NDST4: variants seen among roughly 807,000 people sequenced by gnomAD.
NDST4 encodes the protein N-heparan sulfate sulfotransferase 4.
A neutral mutation model predicts 100.8 loss-of-function variants in NDST4; 63 were observed. That is an observed-to-expected ratio of 0.62 (90% CI 0.51 to 0.77). NDST4 has a LOEUF of 0.77. NDST4 is among the 30% of genes least tolerant of loss of function. The pLI, the probability that NDST4 is intolerant of heterozygous loss-of-function variation, is 0.00. For missense variants in NDST4, 943 were observed against 1,018.4 expected (o/e 0.93, Z 1.01); for synonymous variants, 377 against 361.8 (o/e 1.04, Z -0.48).
At chr4:114,957,179 G>C (rs1337037131) in intron 4 of NDST4, among the ~76,000 whole-genome samples, 1 of 152,158 alleles carries the variant, frequency 6.6e-6, no homozygotes, top group Non-Finnish European at 1.5e-5. Flanking sequence ...TCTTGTATTT[G>C]TCCATTTTTA....
chr4:114,879,234 G>A (rs1465150005), intron 6 of NDST4, among the ~76,000 whole-genome samples: 1 of 151,974 alleles, frequency 6.6e-6, no homozygotes, highest in Non-Finnish European at 1.5e-5. Flanking sequence ...ATTCGCTATA[G>A]TCCCCAGGCT....
intron 6 of NDST4, among the ~76,000 whole-genome samples, chr4:114,916,878 A>C (rs1021602709): frequency 6.6e-6 from 1 of 150,616 alleles, no homozygotes; most frequent in Non-Finnish European, 1.5e-5. Flanking sequence ...GACCATGAGA[A>C]CCGTACCCTT....
intron 1 of NDST4, among the ~76,000 whole-genome samples, chr4:115,086,907 A>G (rs755124353): frequency 5.3e-5 from 8 of 152,066 alleles, no homozygotes; most frequent in Non-Finnish European, 8.8e-5. Context: ...GCTTTGCCAT[A>G]TAAGATTTAG....
chr4:115,007,587 A>G (rs1273143240), intron 2 of NDST4, among the ~76,000 whole-genome samples: 1 of 67,236 alleles, frequency 1.5e-5, no homozygotes, highest in Non-Finnish European at 3.1e-5. Context: ...TCCAACAGAA[A>G]GCTGGAATGA....
intron 2 of NDST4, among the ~76,000 whole-genome samples, chr4:115,039,445 A>AT (rs199910085): frequency 0.014 from 2,203 of 152,122 alleles, 61 homozygotes; most frequent in African/African-American, 0.05. Context: ...GAAAGAAAAA[A>AT]AAAACTTGTT....
At chr4:114,918,398 G>T (rs978830838) in intron 6 of NDST4, among the ~76,000 whole-genome samples, 2 of 110,814 alleles carry the variant, frequency 1.8e-5, no homozygotes, top group Non-Finnish European at 3.5e-5. Flanking sequence ...GTTGTGGGGT[G>T]GGGGGAGGGG....
intron 6 of NDST4, among the ~76,000 whole-genome samples, chr4:114,926,623 T>A (rs575427292): frequency 6.6e-6 from 1 of 151,984 alleles, no homozygotes. Context: ...TAGATACAGT[T>A]GTATTGTAGA....
At chr4:115,024,584 A>G (rs1041357015) in intron 2 of NDST4, among the ~76,000 whole-genome samples, 1 of 152,058 alleles carries the variant, frequency 6.6e-6, no homozygotes, top group African/African-American at 2.4e-5. Flanking sequence ...TTTTGATTTT[A>G]CAGACTTAAA....
chr4:114,938,069 G>A (rs1054176045), intron 4 of NDST4, among the ~76,000 whole-genome samples: 4 of 152,176 alleles, frequency 2.6e-5, no homozygotes, highest in Non-Finnish European at 5.9e-5. Flanking sequence ...CCTAGTGACA[G>A]CATGTTAAGA....
At chr4:114,858,803 G>T (rs1047003940) in intron 7 of NDST4, among the ~76,000 whole-genome samples, 3 of 152,092 alleles carry the variant, frequency 2.0e-5, no homozygotes, top group Non-Finnish European at 4.4e-5. Flanking sequence ...AGCTCCCATA[G>T]CAGGGAAGAT....
chr4:114,931,491 G>A (rs900530535), intron 6 of NDST4, among the ~76,000 whole-genome samples: 3 of 150,868 alleles, frequency 2.0e-5, no homozygotes, highest in African/African-American at 7.3e-5. Flanking sequence ...TCAGCAGAAA[G>A]AAGAAAAAAA....
chr4:114,999,420 A>G (rs1288613880), intron 2 of NDST4, among the ~76,000 whole-genome samples: 1 of 152,090 alleles, frequency 6.6e-6, no homozygotes, highest in African/African-American at 2.4e-5. Flanking sequence ...GAAATAATTG[A>G]GATGCTACAT....
At chr4:114,832,097 A>G (rs541392469) in intron 12 of NDST4, among the ~76,000 whole-genome samples, 4 of 152,214 alleles carry the variant, frequency 2.6e-5, no homozygotes, top group Non-Finnish European at 5.9e-5. Context: ...ACCATAAGCA[A>G]CTATTTTTCA....
chr4:114,924,090 A>G (rs924735397), intron 6 of NDST4, among the ~76,000 whole-genome samples: 4 of 152,168 alleles, frequency 2.6e-5, no homozygotes, highest in Non-Finnish European at 5.9e-5. Context: ...ATGAGAAGAC[A>G]GAGTTCAAGT....
intron 2 of NDST4, among the ~76,000 whole-genome samples, chr4:115,002,233 T>C (rs1727306476): frequency 6.6e-6 from 1 of 152,224 alleles, no homozygotes; most frequent in African/African-American, 2.4e-5. Context: ...GGTTTTTATT[T>C]GCATTTCTCT....
intron 2 of NDST4, among the ~76,000 whole-genome samples, chr4:115,044,919 A>G (rs1001207033): frequency 3.3e-5 from 5 of 151,876 alleles, no homozygotes; most frequent in African/African-American, 1.2e-4. Flanking sequence ...CACACACTAG[A>G]TAAGGGAGAA....
intron 1 of NDST4, among the ~76,000 whole-genome samples, chr4:115,087,389 C>A (rs181850675): frequency 1.2e-4 from 19 of 152,174 alleles, no homozygotes; most frequent in Admixed American, 9.2e-4. Context: ...TTGCCAGGTA[C>A]ATCTGCAAAT....
chr4:114,871,619 A>G (rs1724149947), intron 6 of NDST4, among the ~76,000 whole-genome samples: 2 of 152,106 alleles, frequency 1.3e-5, no homozygotes, highest in African/African-American at 2.4e-5. Context: ...TTACAAACAT[A>G]ATCTAATATT....
At chr4:114,930,941 T>A (rs1233055814) in intron 6 of NDST4, among the ~76,000 whole-genome samples, 1 of 151,856 alleles carries the variant, frequency 6.6e-6, no homozygotes, top group Non-Finnish European at 1.5e-5. Flanking sequence ...CAAAAAAAAA[T>A]TAGCAAATAT....
Sources: allele counts gnomAD v4.1 joint callset (sites outside exome capture counted in the v4.1 genomes callset), GRCh38; gene constraint gnomAD v4.1.1; transcripts MANE v1.5; gene names NCBI Gene and HGNC (gene_info 2026-07-23, HGNC 2026-07-21).